The following POLD3 variants were observed in gnomAD, a reference collection of about 807,000 sequenced individuals.
The protein encoded by POLD3 is DNA polymerase delta subunit 3.
A neutral mutation model predicts 58.2 loss-of-function variants in POLD3; 19 were observed. The observed-to-expected ratio is 0.33, with a 90% CI of 0.23 to 0.48. The LOEUF is 0.48. Ranked by LOEUF, POLD3 falls within the 20% of genes least tolerant of loss-of-function variation. The pLI, the probability that POLD3 is intolerant of heterozygous loss-of-function variation, is 0.99. For missense variants in POLD3, 504 were observed against 545.5 expected (o/e 0.92, Z 0.76); for synonymous variants, 172 against 193.5 (o/e 0.89, Z 0.92).
chr11:74,636,039 T>G (rs990574237), intron 10 of POLD3, among the ~76,000 whole-genome samples, 158 bp from the exon 11 acceptor site: 2 of 152,246 alleles, frequency 1.3e-5, no homozygotes, highest in African/African-American at 4.8e-5. Context: ...CTTGTCTGTG[T>G]GATGGGGTTG....
At chr11:74,624,445 G>A (rs1288485389) in intron 7 of POLD3, among the ~76,000 whole-genome samples, 1 of 152,098 alleles carries the variant, frequency 6.6e-6, no homozygotes, top group Non-Finnish European at 1.5e-5. Context: ...ATAAATTATT[G>A]TACTAAGCTA....
intron 4 of POLD3, among the ~76,000 whole-genome samples, chr11:74,648,757 C>T (rs1250113782): frequency 6.6e-6 from 1 of 152,166 alleles, no homozygotes; most frequent in Non-Finnish European, 1.5e-5. Flanking sequence ...AATAGGAAGC[C>T]ACTGAATTTT....
In POLD3 at chr11:74,638,852, C is replaced by T. The variant is rs147838737; in HGVS notation, c.1199-1712C>T. 9.6e-3 allele frequency among the ~76,000 whole-genome samples: 1,461 copies of T among 152,222 alleles called. 20 individuals carry two copies. Among genetic ancestry groups the T allele is most frequent in the African/African-American group, 0.034 (1,392 of 41,530 alleles). The stretch of plus-strand genomic sequence containing the variant: ...GGGAGATTCTGTTGCCTCTGGTGTG[C>T]GGAGCACAATTTGAGTAGTAAGGCC... On this transcript the variant is annotated intron_variant, in intron 11 of 11. Transcript: ENST00000263681.
At chr11:74,644,354 A>G (rs1030505799), downstream of POLD3, among the ~76,000 whole-genome samples, 1 of 152,278 alleles carries the variant, frequency 6.6e-6, no homozygotes, top group Non-Finnish European at 1.5e-5. Context: ...TTTTACCACC[A>G]TGAAACATTT....
At position 74,640,786 on chromosome 11, in the gene POLD3, C is replaced by T; in HGVS notation, c.*20C>T. The T allele has an allele frequency of 1.3e-6, 2 of 1,559,886 alleles. No homozygotes were observed. Among genetic ancestry groups the T allele is most frequent in the South Asian group, 1.2e-5 (1 of 80,476 alleles). On this transcript the variant is annotated 3_prime_UTR_variant, in exon 12 of 12. Transcript: ENST00000263681. Reference sequence around the variant, plus strand: ...AAATAAACTGCCATCTCTGGTAGATCAGAGACTTGGAGTGGTCAAGGGAGA... The same window carrying T: ...AAATAAACTGCCATCTCTGGTAGATTAGAGACTTGGAGTGGTCAAGGGAGA...
At chr11:74,648,021 T>C (rs7106219), downstream of POLD3, among the ~76,000 whole-genome samples, 40,868 of 152,150 alleles carry the variant, frequency 0.27, 5,919 homozygotes, top group South Asian at 0.42. Context: ...ATTTGCCCAA[T>C]AAGTGGCAAA....
At chr11:74,636,134 T>C (rs2032742727) in intron 10 of POLD3, 63 bp from the exon 11 acceptor site, 1 of 1,478,410 alleles carries the variant, frequency 6.8e-7, no homozygotes. Flanking sequence ...ATTTAAAAGC[T>C]TTTGTTATTT....
chr11:74,613,564 A>G (rs2031983471), intron 5 of POLD3, among the ~76,000 whole-genome samples: 1 of 152,126 alleles, frequency 6.6e-6, no homozygotes, highest in South Asian at 2.1e-4. Context: ...CATTGGACAA[A>G]TTACTTAAAC....
intron 5 of POLD3, among the ~76,000 whole-genome samples, chr11:74,614,520 C>G (rs2032018953): frequency 6.6e-6 from 1 of 152,144 alleles, no homozygotes; most frequent in African/African-American, 2.4e-5. Flanking sequence ...ACCATCCTGG[C>G]TAACACGGTG....
downstream of POLD3, chr11:74,669,259 CA>C (rs2135205668): frequency 6.3e-6 from 1 of 157,700 alleles, no homozygotes; most frequent in Non-Finnish European, 1.4e-5. Flanking sequence ...GTAAACCACT[CA>C]AAAGACTCAT....
intron 9 of POLD3, among the ~76,000 whole-genome samples, chr11:74,633,063 A>G (rs2032642837): frequency 6.6e-6 from 1 of 152,060 alleles, no homozygotes; most frequent in Non-Finnish European, 1.5e-5. Flanking sequence ...TGTCACTAGG[A>G]TTGTTTTCTT....
chr11:74,631,496 T>C (rs1190186125), intron 9 of POLD3, among the ~76,000 whole-genome samples: 2 of 140,410 alleles, frequency 1.4e-5, no homozygotes, highest in South Asian at 2.2e-4. Context: ...TTTTTTTTTT[T>C]TGAGACGGAG....
At chr11:74,640,519 A>G in intron 11 of POLD3, 45 bp from the exon 12 acceptor site, 1 of 1,461,812 alleles carries the variant, frequency 6.8e-7, no homozygotes, top group Non-Finnish European at 9.0e-7. Context: ...TCATAGAGTA[A>G]ATGATTCAGC....
At chr11:74,608,294 T>C (rs1432944819) in intron 3 of POLD3, among the ~76,000 whole-genome samples, 1 of 152,192 alleles carries the variant, frequency 6.6e-6, no homozygotes, top group Non-Finnish European at 1.5e-5. Context: ...TTTTTATTTT[T>C]ATTTTTATTA....
At chr11:74,603,745 A>C (rs1438544367) in intron 2 of POLD3, among the ~76,000 whole-genome samples, 1 of 152,160 alleles carries the variant, frequency 6.6e-6, no homozygotes. Flanking sequence ...CAGGCTCTTC[A>C]AGAAGAGAGT....
intron 9 of POLD3, among the ~76,000 whole-genome samples, chr11:74,631,029 C>G (rs1039831107): frequency 6.6e-6 from 1 of 152,118 alleles, no homozygotes; most frequent in African/African-American, 2.4e-5. Context: ...GATTTTTTTC[C>G]TCTGGCAAAG....
Position 74,642,993 on chromosome 11 carries a change from T to G in POLD3, c.*2227T>G. 3 of 926,366 alleles carry G rather than the reference T, an allele frequency of 3.2e-6. No homozygotes were observed. The highest frequency in any genetic ancestry group is 3.9e-6 in the Non-Finnish European group (3 of 776,032). 57.4% of individuals were successfully genotyped at this position (926,366 alleles called of 1,614,324 possible). On this transcript the variant is annotated 3_prime_UTR_variant, in exon 12 of 12. Coordinates refer to ENST00000263681, the MANE Select transcript of POLD3 (RefSeq NM_006591.3). ...TAGTTTGGCTTCATCACTTGCTAGC[T>G]GTATGACTGTGGGCAAGTTTCACAG...
rs3741126 is a variant in POLD3 at position 74,641,949 on chromosome 11, C to T, written c.*1183C>T. 1.7e-5 allele frequency: 17 copies of T among 985,316 alleles called. No homozygotes were observed. In the African/African-American group the frequency reaches 3.0e-4, roughly 17 times the overall value. 61.0% of individuals were successfully genotyped at this position (985,316 alleles called of 1,614,324 possible). ...TATTACAATGATAACCTTCAAGTGA[C>T]TTCCATTATGGCTGGACAGGCGGTG... On this transcript the variant is annotated 3_prime_UTR_variant, in exon 12 of 12. Coordinates refer to ENST00000263681, the MANE Select transcript of POLD3 (RefSeq NM_006591.3).
At chr11:74,665,993 A>G (rs1289970365) in intron 4 of POLD3, among the ~76,000 whole-genome samples, 12 of 152,228 alleles carry the variant, frequency 7.9e-5, no homozygotes, top group African/African-American at 2.2e-4. Flanking sequence ...GATCTTCTAT[A>G]TAGAAAATCC....
Sources: allele counts gnomAD v4.1 joint callset (sites outside exome capture counted in the v4.1 genomes callset), GRCh38; gene constraint gnomAD v4.1.1; transcripts MANE v1.5; gene names NCBI Gene and HGNC (gene_info 2026-07-23, HGNC 2026-07-21).